Variants in DEUP1 observed in about 807,000 individuals in gnomAD.
DEUP1 encodes the protein coiled-coil domain containing 67.
DEUP1 carries 82 observed loss-of-function variants against 87.4 expected under a neutral mutation model. The observed-to-expected ratio is 0.94, with a 90% CI of 0.78 to 1.13. DEUP1 has a LOEUF of 1.13. Among genes scored for constraint, DEUP1 ranks in the 50% most tolerant of loss-of-function variants. The pLI, the probability that DEUP1 is intolerant of heterozygous loss-of-function variation, is 0.00. For synonymous variants in DEUP1, 214 were observed against 222.7 expected, an observed-to-expected ratio of 0.96 and a Z score of 0.35; for missense variants, 663 against 681.5, an observed-to-expected ratio of 0.97 and a Z score of 0.30.
At chr11:93,336,307 A>G (rs1943762657) in intron 2 of DEUP1, among the ~76,000 whole-genome samples, 1 of 152,102 alleles carries the variant, frequency 6.6e-6, no homozygotes, top group African/African-American at 2.4e-5. Context: ...ACAAGGGGGA[A>G]GTTCGCCCTC....
chr11:93,342,183 A>G (rs1004486639), intron 2 of DEUP1, among the ~76,000 whole-genome samples: 1 of 152,148 alleles, frequency 6.6e-6, no homozygotes, highest in Non-Finnish European at 1.5e-5. Context: ...TTTTCAGCCT[A>G]CTTCATATGG....
chr11:93,371,523 A>G (rs917187055), intron 7 of DEUP1, among the ~76,000 whole-genome samples: 1 of 152,234 alleles, frequency 6.6e-6, no homozygotes, highest in Non-Finnish European at 1.5e-5. Context: ...CCAGTGCAAT[A>G]TAATAGTGGT....
chr11:93,348,852 A>G (rs1202026900), intron 2 of DEUP1, among the ~76,000 whole-genome samples: 1 of 152,214 alleles, frequency 6.6e-6, no homozygotes, highest in Non-Finnish European at 1.5e-5. Context: ...AACAAGTCAT[A>G]TGATCATTAT....
upstream of DEUP1, chr11:93,330,501 A>C (rs1943411660): frequency 6.6e-6 from 1 of 152,420 alleles, no homozygotes; most frequent in Admixed American, 6.5e-5. Flanking sequence ...GGAGCCGCAC[A>C]GGGCAGCGCC....
chr11:93,336,256 G>A (rs997319428), intron 2 of DEUP1, among the ~76,000 whole-genome samples: 1 of 152,112 alleles, frequency 6.6e-6, no homozygotes, highest in Non-Finnish European at 1.5e-5. Flanking sequence ...GAGAGAGAAG[G>A]GGGGAGTTGC....
rs758516608 is a variant in DEUP1, at chr11:93,371,254, C to T, written c.763C>T (p.Leu255=). The T allele has an allele frequency of 1.2e-6, 2 of 1,612,772 alleles. No homozygotes were observed. The highest frequency in any genetic ancestry group is 1.7e-6 in the Non-Finnish European group (2 of 1,179,502). Residue 255 remains leucine, a synonymous_variant, in exon 7 of 14, where the codon CTG becomes TTG. Transcript: ENST00000298050. ...TGAAAATCAGAAGCTCTTGCAAGAA[C>T]TGAAAATGTACCAAAGACAGTGCCA... ...QDENQKLLQE[L]KMYQRQCQAM...
At chr11:93,413,408 AT>A (rs1234328664) in intron 12 of DEUP1, among the ~76,000 whole-genome samples, 1 of 151,922 alleles carries the variant, frequency 6.6e-6, no homozygotes, top group African/African-American at 2.4e-5. Flanking sequence ...CGCCAGGCTA[AT>A]TTTTTTGTAT....
Position 93,370,170 on chromosome 11 carries a change from A to G in DEUP1, c.530A>G (p.Lys177Arg). 6.5e-7 allele frequency: 1 copy of G among 1,549,804 alleles called. No homozygotes were observed. The highest frequency in any genetic ancestry group is 2.3e-5 in the East Asian group (1 of 44,316). Residue 177 changes from lysine (K) to arginine (R), a missense_variant, in exon 6 of 14, where the codon AAG becomes AGG. Physicochemically the swap from Lys to Arg is conservative, Grantham distance 26. Coordinates refer to ENST00000298050, the MANE Select transcript of DEUP1 (RefSeq NM_181645.4). The stretch of plus-strand genomic sequence containing the variant: ...GCTCAACAAAAATTATTATCTGAGA[A>G]GTGTAATCAGTTTCAGGTAAGTTAT... ...LDAQQKLLSE[K>R]CNQFQKQAQS...
Position 93,355,477 on chromosome 11 carries a change from C to G in DEUP1, c.136C>G (p.Arg46Gly). 6.2e-7 allele frequency: 1 copy of G among 1,613,732 alleles called. No homozygotes were observed. The highest frequency in any genetic ancestry group is 8.5e-7 in the Non-Finnish European group (1 of 1,179,774). The change falls in exon 3 of 14, where the codon CGA becomes GGA. Residue 46 changes from arginine to glycine, a missense_variant. Arg to Gly is a moderately radical substitution (Grantham distance 125). Transcript: ENST00000298050. Reference protein sequence around the residue: ...WERKMRALETRLDLRDQELAN... With the variant: ...WERKMRALETGLDLRDQELAN... ...AAGAAAGATGCGGGCTTTGGAGACA[C>G]GATTAGATCTTCGGGATCAAGAATT... is the stretch of plus-strand genomic sequence containing the variant.
intron 1 of DEUP1, among the ~76,000 whole-genome samples, 163 bp downstream of exon 1, chr11:93,330,935 G>A (rs1943441117): frequency 1.3e-5 from 2 of 152,236 alleles, no homozygotes; most frequent in African/African-American, 4.8e-5. Flanking sequence ...GCGTGGCGCG[G>A]GGACAGAGGC....
chr11:93,404,299 C>A (rs890218049), intron 11 of DEUP1, among the ~76,000 whole-genome samples: 3 of 152,096 alleles, frequency 2.0e-5, no homozygotes, highest in African/African-American at 7.2e-5. Context: ...TCGTCGTAGG[C>A]TTTTTAATGC....
intron 5 of DEUP1, among the ~76,000 whole-genome samples, chr11:93,367,370 A>C (rs1477875059): frequency 6.6e-6 from 1 of 152,172 alleles, no homozygotes; most frequent in Non-Finnish European, 1.5e-5. Context: ...CATTCTCTAA[A>C]TTAGCATTTG....
chr11:93,406,563 A>C (rs537028554), intron 11 of DEUP1, among the ~76,000 whole-genome samples: 1 of 151,956 alleles, frequency 6.6e-6, no homozygotes, highest in African/African-American at 2.4e-5. Context: ...ATGAAAAGAA[A>C]AAATATAAAA....
At chr11:93,433,643 G>A (rs1384366124) in intron 13 of DEUP1, among the ~76,000 whole-genome samples, 1 of 152,200 alleles carries the variant, frequency 6.6e-6, no homozygotes, top group Admixed American at 6.5e-5. Flanking sequence ...ACTCAGGCCA[G>A]AATCTAGGAA....
intron 2 of DEUP1, among the ~76,000 whole-genome samples, chr11:93,349,568 T>G (rs910606352): frequency 3.8e-5 from 5 of 130,554 alleles, no homozygotes; most frequent in African/African-American, 1.4e-4. Context: ...AATGGTATGT[T>G]TCAAGGATGA....
At chr11:93,362,368 A>G (rs1389760633) in intron 4 of DEUP1, among the ~76,000 whole-genome samples, 3 of 151,962 alleles carry the variant, frequency 2.0e-5, no homozygotes, top group African/African-American at 7.2e-5. Context: ...TAATAATAAA[A>G]AGACAGATGA....
intron 2 of DEUP1, among the ~76,000 whole-genome samples, chr11:93,340,655 A>G (rs895271663): frequency 6.6e-6 from 1 of 152,232 alleles, no homozygotes; most frequent in Admixed American, 6.5e-5. Context: ...AGTAGATCAG[A>G]TTGATAGATG....
At chr11:93,405,034 T>C (rs1591234774) in intron 11 of DEUP1, among the ~76,000 whole-genome samples, 2 of 151,030 alleles carry the variant, frequency 1.3e-5, no homozygotes, top group Admixed American at 1.3e-4. Context: ...ATTATTATCA[T>C]TCTTAATTAC....
At chr11:93,375,656 C>A (rs1307966996) in intron 7 of DEUP1, among the ~76,000 whole-genome samples, 1 of 152,104 alleles carries the variant, frequency 6.6e-6, no homozygotes, top group African/African-American at 2.4e-5. Flanking sequence ...GGTGGATTAT[C>A]TTTGTGATAT....
Sources: gnomAD v4.1 joint callset for allele counts (sites outside exome capture counted in the v4.1 genomes callset) on GRCh38, gnomAD v4.1.1 for gene constraint, MANE v1.5 for transcripts, NCBI Gene and HGNC (gene_info 2026-07-23, HGNC 2026-07-21) for gene names.